The following COMMD1 variants were observed in gnomAD, a reference collection of about 807,000 sequenced individuals.
COMMD1 encodes the protein copper metabolism domain containing 1.
A neutral mutation model predicts 17.2 loss-of-function variants in COMMD1; 10 were observed. The observed-to-expected ratio is 0.58, with a 90% CI of 0.36 to 0.99. The LOEUF (loss-of-function observed/expected upper bound fraction) is 0.99, where lower values mean the gene tolerates loss of function less well. Ranked by LOEUF, COMMD1 falls within the 50% of genes least tolerant of loss-of-function variation. COMMD1 has a pLI of 0.01. For missense variants in COMMD1, 270 were observed against 231.8 expected (o/e 1.17, Z -1.07); for synonymous variants, 97 against 91.6 (o/e 1.06, Z -0.34).
At chr2:61,903,692 A>G (rs185451112), upstream of COMMD1, among the ~76,000 whole-genome samples, 12 of 151,732 alleles carry the variant, frequency 7.9e-5, no homozygotes, top group South Asian at 4.2e-4. Flanking sequence ...AGCTGGGACT[A>G]CAGACATGTG....
At chr2:62,032,355 G>A (rs751074093) in intron 2 of COMMD1, among the ~76,000 whole-genome samples, 2 of 152,136 alleles carry the variant, frequency 1.3e-5, no homozygotes, top group African/African-American at 2.4e-5. Context: ...GGGCAATGAA[G>A]CAAGACCTTG....
chr2:62,054,122 C>T (rs1428981955), intron 2 of COMMD1, among the ~76,000 whole-genome samples: 3 of 152,156 alleles, frequency 2.0e-5, no homozygotes, highest in African/African-American at 7.2e-5. Flanking sequence ...TACTAATTAT[C>T]AGAGAAATGC....
intron 1 of COMMD1, among the ~76,000 whole-genome samples, chr2:61,995,460 C>G (rs1221654893): frequency 6.6e-6 from 1 of 152,222 alleles, no homozygotes; most frequent in African/African-American, 2.4e-5. Flanking sequence ...ACATATTCCT[C>G]ACTCAGTCAT....
At chr2:62,081,253 A>ATT (rs34994117) in intron 2 of COMMD1, among the ~76,000 whole-genome samples, 49 of 141,602 alleles carry the variant, frequency 3.5e-4, no homozygotes, top group Middle Eastern at 3.6e-3. Flanking sequence ...CTCAATCTAG[A>ATT]TTTTTTTTTT....
intron 2 of COMMD1, among the ~76,000 whole-genome samples, chr2:62,132,573 C>G (rs1249075507): frequency 6.6e-6 from 1 of 152,104 alleles, no homozygotes; most frequent in East Asian, 1.9e-4. Context: ...AGGTCAGACA[C>G]AGTGGCTCAC....
At chr2:62,031,204 A>G (rs556671707) in intron 2 of COMMD1, among the ~76,000 whole-genome samples, 2 of 152,334 alleles carry the variant, frequency 1.3e-5, no homozygotes, top group South Asian at 2.1e-4. Flanking sequence ...AAGTCCTCAC[A>G]TTAGTTAGAC....
intron 1 of COMMD1, 73 bp from the exon 2 acceptor site, chr2:62,000,628 T>C: frequency 1.4e-6 from 2 of 1,384,134 alleles, no homozygotes; most frequent in Non-Finnish European, 2.0e-6. Context: ...AAATATAATC[T>C]GTAGTTAAGA....
intron 2 of COMMD1, among the ~76,000 whole-genome samples, chr2:62,116,408 A>G (rs1157452247): frequency 6.6e-6 from 1 of 152,172 alleles, no homozygotes; most frequent in Non-Finnish European, 1.5e-5. Context: ...GTGGTGGCTT[A>G]TGCTTGTAAT....
chr2:62,127,761 T>C (rs1411489829), intron 2 of COMMD1, among the ~76,000 whole-genome samples: 1 of 152,198 alleles, frequency 6.6e-6, no homozygotes, highest in Non-Finnish European at 1.5e-5. Context: ...TAGTGGCTCA[T>C]GTCTGTAATC....
At chr2:61,998,893 T>C (rs940306503) in intron 1 of COMMD1, among the ~76,000 whole-genome samples, 1 of 152,212 alleles carries the variant, frequency 6.6e-6, no homozygotes, top group Admixed American at 6.5e-5. Context: ...AAGACATTTA[T>C]CAATTAGTTA....
intron 2 of COMMD1, among the ~76,000 whole-genome samples, chr2:62,044,758 C>T (rs528687026): frequency 6.6e-6 from 1 of 151,628 alleles, no homozygotes; most frequent in Admixed American, 6.6e-5. Context: ...TTCCTTCTCC[C>T]TTCACCTACC....
chr2:61,905,872 C>T lies in COMMD1; in HGVS notation c.180+14C>T, dbSNP rs1390777152. The T allele has an allele frequency of 1.2e-6, 2 of 1,613,900 alleles. No individual in the cohort carries two copies. Among genetic ancestry groups the T allele is most frequent in the Non-Finnish European group, 1.7e-6 (2 of 1,179,792 alleles). ...GGGATTCTTAAGGTACTGCTCTTTT[C>T]TGTAGTCTCCGGCTTGGAGCAGAAC... On this transcript the variant is annotated intron_variant, in intron 1 of 2. Coordinates refer to ENST00000311832, the MANE Select transcript of COMMD1 (RefSeq NM_152516.4).
chr2:61,975,193 T>G (rs1003343929), intron 1 of COMMD1, among the ~76,000 whole-genome samples: 17 of 146,846 alleles, frequency 1.2e-4, no homozygotes, highest in Non-Finnish European at 6.0e-5. Context: ...TTAGATAAGC[T>G]CATTTCTTTT....
At chr2:61,915,746 T>C (rs1670030770) in intron 1 of COMMD1, 1 of 450,820 alleles carries the variant, frequency 2.2e-6, no homozygotes, top group African/African-American at 2.0e-5. Context: ...ACCCTCTCTC[T>C]TTAGCCTCCC....
intron 1 of COMMD1, among the ~76,000 whole-genome samples, chr2:61,926,127 C>T (rs750294001): frequency 1.2e-4 from 19 of 152,080 alleles, no homozygotes; most frequent in African/African-American, 4.1e-4. Flanking sequence ...CCTACCACCA[C>T]GCCTGGCTAA....
chr2:61,981,482 A>G lies in COMMD1; in HGVS notation c.181-19219A>G, dbSNP rs540302956. Among the ~76,000 whole-genome samples, 4 of 152,226 alleles carry G rather than the reference A, an allele frequency of 2.6e-5. No homozygotes were observed. The South Asian group carries it at 6.2e-4, about 24-fold the overall frequency. ...GGATGGATTTGTTTCTGGGTTCTCT[A>G]TTCTGTTCCACTGGTCTGTGTGTCT... is the stretch of plus-strand genomic sequence containing the variant. On this transcript the variant is annotated intron_variant, in intron 1 of 2. Transcript: ENST00000311832.
At chr2:62,133,363 T>C (rs888937234) in intron 2 of COMMD1, among the ~76,000 whole-genome samples, 3 of 152,156 alleles carry the variant, frequency 2.0e-5, no homozygotes. Flanking sequence ...TGCCTTTAAC[T>C]ACCACTTTGG....
At chr2:62,041,594 T>C (rs1353637476) in intron 2 of COMMD1, among the ~76,000 whole-genome samples, 4 of 152,166 alleles carry the variant, frequency 2.6e-5, no homozygotes, top group African/African-American at 9.7e-5. Flanking sequence ...TTTCACCATG[T>C]TGCCCAAGCT....
At chr2:62,060,683 T>C (rs994410143) in intron 2 of COMMD1, among the ~76,000 whole-genome samples, 3 of 152,216 alleles carry the variant, frequency 2.0e-5, no homozygotes, top group African/African-American at 7.2e-5. Flanking sequence ...GGGAGTTGGC[T>C]TAGTTTTCAC....
Sources: allele counts gnomAD v4.1 joint callset (sites outside exome capture counted in the v4.1 genomes callset), GRCh38; gene constraint gnomAD v4.1.1; transcripts MANE v1.5; gene names NCBI Gene and HGNC (gene_info 2026-07-23, HGNC 2026-07-21).